The following KCNC2 variants were observed in gnomAD, a reference collection of about 807,000 sequenced individuals.
KCNC2 encodes the protein potassium voltage-gated channel subfamily C member 2.
In KCNC2, 21 loss-of-function variants were observed where a neutral mutation model predicts 44.5. That is an observed-to-expected ratio of 0.47 (90% CI 0.33 to 0.68). KCNC2 has a LOEUF of 0.68. Among genes scored for constraint, KCNC2 ranks in the 30% least tolerant of loss-of-function variants. The pLI, the probability that KCNC2 is intolerant of heterozygous loss-of-function variation, is 0.01. For synonymous variants in KCNC2, 391 were observed against 339.1 expected, an observed-to-expected ratio of 1.15 and a Z score of -1.68; for missense variants, 589 against 826.2, an observed-to-expected ratio of 0.71 and a Z score of 3.52.
At position 75,042,340 on chromosome 12, in the gene KCNC2, C is replaced by A. The variant is rs755983385; in HGVS notation, c.*765G>T. On this transcript the variant is annotated 3_prime_UTR_variant, in exon 5 of 5. Transcript: ENST00000549446. Reference sequence around the variant, plus strand: ...AAGTAAGAGATCTGGCCTCGGCTTGCGTGTAACCAGTAATGACAACCTCTT... The same window carrying A: ...AAGTAAGAGATCTGGCCTCGGCTTGAGTGTAACCAGTAATGACAACCTCTT... 1 of 1,611,884 alleles carries A rather than the reference C, an allele frequency of 6.2e-7. No individual in the cohort carries two copies. The highest frequency in any genetic ancestry group is 1.1e-5 in the South Asian group (1 of 91,010).
chr12:75,147,075 C>A (rs1475234855), intron 2 of KCNC2, among the ~76,000 whole-genome samples: 1 of 152,122 alleles, frequency 6.6e-6, no homozygotes, highest in Non-Finnish European at 1.5e-5. Flanking sequence ...AGCAAGTTTG[C>A]TAGCTATGTG....
rs552947726 is a variant in KCNC2, at chr12:75,151,139, G to A, written c.687+56158C>T. Among the ~76,000 whole-genome samples, 40 of 152,014 alleles carry A rather than the reference G, an allele frequency of 2.6e-4. 4 individuals carry two copies. The South Asian group carries it at 7.9e-3, about 30-fold the overall frequency. Reference sequence around the variant, plus strand: ...GCTCACCAAAGCCCAAAGCCTTCACGATGCAAGAAAACTAATAGAAAAACC... The same window carrying A: ...GCTCACCAAAGCCCAAAGCCTTCACAATGCAAGAAAACTAATAGAAAAACC... On this transcript the variant is annotated intron_variant, in intron 2 of 4. Transcript: ENST00000549446.
chr12:75,185,432 A>C (rs1892873399), intron 2 of KCNC2, among the ~76,000 whole-genome samples: 1 of 152,146 alleles, frequency 6.6e-6, no homozygotes, highest in Non-Finnish European at 1.5e-5. Context: ...CATGACCTGC[A>C]TGAATAGATT....
chr12:75,159,373 A>G (rs781512514), intron 2 of KCNC2, among the ~76,000 whole-genome samples: 67 of 151,934 alleles, frequency 4.4e-4, no homozygotes, highest in Middle Eastern at 3.4e-3. Flanking sequence ...TGCTCCCCCA[A>G]TAAAAGTTCC....
intron 2 of KCNC2, among the ~76,000 whole-genome samples, chr12:75,104,101 T>C (rs953196852): frequency 6.8e-6 from 1 of 147,650 alleles, no homozygotes; most frequent in African/African-American, 2.5e-5. Flanking sequence ...TGAAGTGAGG[T>C]GAGTGGCATA....
intron 2 of KCNC2, among the ~76,000 whole-genome samples, chr12:75,124,388 A>G (rs550368232): frequency 2.6e-5 from 4 of 152,344 alleles, no homozygotes; most frequent in South Asian, 4.1e-4. Flanking sequence ...TTAATGATAT[A>G]AAAACATGAA....
At chr12:75,110,709 T>C (rs888325271) in intron 2 of KCNC2, among the ~76,000 whole-genome samples, 3 of 152,114 alleles carry the variant, frequency 2.0e-5, no homozygotes, top group Non-Finnish European at 2.9e-5. Flanking sequence ...TTTTTGGAAG[T>C]CTTTTCAATG....
intron 2 of KCNC2, among the ~76,000 whole-genome samples, chr12:75,170,902 C>G (rs997114665): frequency 1.3e-5 from 2 of 151,686 alleles, no homozygotes; most frequent in Admixed American, 1.3e-4. Flanking sequence ...CATTTGGGGG[C>G]GGGTGTACTC....
chr12:75,173,995 C>T (rs1474005819), intron 2 of KCNC2, among the ~76,000 whole-genome samples: 1 of 151,782 alleles, frequency 6.6e-6, no homozygotes, highest in Non-Finnish European at 1.5e-5. Flanking sequence ...CATGGCATGT[C>T]ATTTCTTCAT....
chr12:75,070,555 C>A (rs912417840), intron 2 of KCNC2, among the ~76,000 whole-genome samples: 2 of 151,760 alleles, frequency 1.3e-5, no homozygotes, highest in Non-Finnish European at 2.9e-5. Flanking sequence ...AGAAAGAAAA[C>A]TTCCCACATT....
chr12:75,188,903 A>C (rs539593072), intron 2 of KCNC2, among the ~76,000 whole-genome samples: 5 of 142,718 alleles, frequency 3.5e-5, no homozygotes, highest in South Asian at 2.2e-4. Flanking sequence ...AAATAAATAA[A>C]TAACAAGGTG....
chr12:75,205,893 C>T (rs1593097931), intron 2 of KCNC2, among the ~76,000 whole-genome samples: 1 of 137,050 alleles, frequency 7.3e-6, no homozygotes, highest in Non-Finnish European at 1.5e-5. Flanking sequence ...TATGGCATGG[C>T]CTGAAAAAAA....
intron 2 of KCNC2, among the ~76,000 whole-genome samples, chr12:75,068,579 C>A (rs1883066260): frequency 6.6e-6 from 1 of 152,066 alleles, no homozygotes; most frequent in African/African-American, 2.4e-5. Context: ...TTAAAGGTGT[C>A]TTATTCCTAT....
intron 4 of KCNC2, among the ~76,000 whole-genome samples, chr12:75,045,846 T>C (rs1340220482): frequency 6.6e-6 from 1 of 151,860 alleles, no homozygotes; most frequent in East Asian, 1.9e-4. Flanking sequence ...GCTAGAAAAA[T>C]AATTCAGTGG....
chr12:75,177,553 G>C (rs895686704), intron 2 of KCNC2, among the ~76,000 whole-genome samples: 1 of 151,936 alleles, frequency 6.6e-6, no homozygotes. Flanking sequence ...TATCGGCTCA[G>C]CTAGGTCAGC....
In KCNC2 at chr12:75,183,435, C is replaced by T. The variant is rs145978014; in HGVS notation, c.687+23862G>A. On this transcript the variant is annotated intron_variant, in intron 2 of 4. Coordinates refer to ENST00000549446, the MANE Select transcript of KCNC2 (RefSeq NM_139137.4). ...AAACTTGCTTTTCAATGTACAAGCA[C>T]AACAACAACAAAACAAAAAATATTG... Among the ~76,000 whole-genome samples, 121 of 152,188 alleles carry T rather than the reference C, an allele frequency of 8.0e-4. 1 individual carries two copies. The highest frequency in any genetic ancestry group is 2.6e-3 in the African/African-American group (109 of 41,512).
intron 3 of KCNC2, among the ~76,000 whole-genome samples, chr12:75,048,939 T>C (rs1352623846): frequency 1.3e-5 from 2 of 152,120 alleles, no homozygotes; most frequent in Non-Finnish European, 2.9e-5. Context: ...CCAAAGACTT[T>C]CACCATCCTA....
chr12:75,080,644 C>G (rs1381382853), intron 2 of KCNC2, among the ~76,000 whole-genome samples: 1 of 152,064 alleles, frequency 6.6e-6, no homozygotes, highest in African/African-American at 2.4e-5. Context: ...TGTTATTGTC[C>G]TTCAGGGATT....
intron 2 of KCNC2, among the ~76,000 whole-genome samples, chr12:75,174,135 C>CT (rs35149276): frequency 0.33 from 49,253 of 149,244 alleles, 8,403 homozygotes; most frequent in African/African-American, 0.44. Context: ...ACAGTTCTAA[C>CT]TTTTTTTTTT....
Sources: allele counts gnomAD v4.1 joint callset (sites outside exome capture counted in the v4.1 genomes callset), GRCh38; gene constraint gnomAD v4.1.1; transcripts MANE v1.5; gene names NCBI Gene and HGNC (gene_info 2026-07-23, HGNC 2026-07-21).